The following CACHD1 variants were observed in gnomAD, a reference collection of about 807,000 sequenced individuals.
CACHD1 encodes the protein VWFA and cache domain-containing protein 1.
In CACHD1, 71 loss-of-function variants were observed where a neutral mutation model predicts 138.7. That is an observed-to-expected ratio of 0.51 (90% confidence interval 0.42 to 0.62). The LOEUF (loss-of-function observed/expected upper bound fraction) is 0.62, where lower values mean the gene tolerates loss of function less well. Ranked by LOEUF, CACHD1 falls within the 20% of genes least tolerant of loss-of-function variation. CACHD1 has a pLI of 0.00. For missense variants in CACHD1, 1,389 were observed against 1,625.3 expected, an observed-to-expected ratio of 0.85 and a Z score of 2.50; for synonymous variants, 578 against 591.5, an observed-to-expected ratio of 0.98 and a Z score of 0.33.
intron 26 of CACHD1, 113 bp downstream of exon 26, chr1:64,682,219 C>A: frequency 1.1e-6 from 1 of 891,782 alleles, no homozygotes; most frequent in Admixed American, 2.1e-5. Flanking sequence ...CCCAGCATGC[C>A]ACTGGTTTAT....
At position 64,549,234 on chromosome 1, in the gene CACHD1, T is replaced by C. The variant is rs537826215; in HGVS notation, c.199-1360T>C. ...GTGAAAGTTAAATAAATAAATGTAATGTGCTTAGAATAGTGTCCACTCCAT... is the reference window on the plus strand; with the variant it reads ...GTGAAAGTTAAATAAATAAATGTAACGTGCTTAGAATAGTGTCCACTCCAT... On this transcript the variant is annotated intron_variant, in intron 1 of 26. Coordinates refer to ENST00000651257, the MANE Select transcript of CACHD1 (RefSeq NM_020925.4). Among the ~76,000 whole-genome samples, 218 of 152,278 alleles carry C rather than the reference T, an allele frequency of 1.4e-3. 2 individuals are homozygous for C. The highest frequency in any genetic ancestry group is 5.1e-3 in the African/African-American group (210 of 41,548).
chr1:64,526,332 CTG>C (rs1383422443), intron 1 of CACHD1, among the ~76,000 whole-genome samples: 3 of 152,104 alleles, frequency 2.0e-5, no homozygotes, highest in Non-Finnish European at 2.9e-5. Flanking sequence ...ACAGTGAAAA[CTG>C]TCTAAAAAAT....
chr1:64,528,406 C>T (rs1158241483), intron 1 of CACHD1, among the ~76,000 whole-genome samples: 2 of 152,156 alleles, frequency 1.3e-5, no homozygotes, highest in Non-Finnish European at 2.9e-5. Context: ...TTGAGATCCC[C>T]ACAACCCCAT....
rs530847374 is a variant in CACHD1, at chr1:64,480,886, C to CTT, written c.198+9956_198+9957dup. On this transcript the variant is annotated intron_variant, in intron 1 of 26. Coordinates refer to ENST00000651257, the MANE Select transcript of CACHD1 (RefSeq NM_020925.4). Reference sequence around the variant, plus strand: ...AAGTTGTTTCTTTCTCTCTCTCTCCCTTTTTTTTTTTTTGGGTGAAAATTG... The same window carrying CTT: ...AAGTTGTTTCTTTCTCTCTCTCTCCCTTTTTTTTTTTTTTTGGGTGAAAATTG... Among the ~76,000 whole-genome samples the CTT allele has an allele frequency of 1.6e-4, 22 of 140,584 alleles. 1 individual carries two copies. The highest frequency in any genetic ancestry group is 5.3e-4 in the African/African-American group (20 of 37,984). 92.2% of individuals were successfully genotyped at this position (140,584 alleles called of 152,430 possible). A position where few individuals can be genotyped will look rare whatever the true frequency, so the allele number is the denominator to read the frequency against.
At chr1:64,586,372 G>A (rs1647051874) in intron 3 of CACHD1, among the ~76,000 whole-genome samples, 1 of 152,188 alleles carries the variant, frequency 6.6e-6, no homozygotes, top group African/African-American at 2.4e-5. Flanking sequence ...ACTGCACCCA[G>A]CTGACACTTT....
At chr1:64,513,208 G>T (rs1193245042) in intron 1 of CACHD1, among the ~76,000 whole-genome samples, 1 of 152,138 alleles carries the variant, frequency 6.6e-6, no homozygotes, top group South Asian at 2.1e-4. Context: ...CAGGGGAGGG[G>T]GCTGTCCTGT....
rs1649880559 is a variant in CACHD1 at position 64,673,332 on chromosome 1, T to G, written c.2611-16T>G. The stretch of plus-strand genomic sequence containing the variant: ...ACTACATGGCATATGTCTTCTGTTC[T>G]CTTTGGCCTTGGTAGGAGCCCCTGG... On this transcript the variant is annotated splice_polypyrimidine_tract_variant and intron_variant, in intron 18 of 26. Transcript: ENST00000651257. 1.2e-6 allele frequency: 2 copies of G among 1,613,702 alleles called. No homozygotes were observed. The highest frequency in any genetic ancestry group is 1.7e-6 in the Non-Finnish European group (2 of 1,179,608).
intron 26 of CACHD1, among the ~76,000 whole-genome samples, chr1:64,689,148 G>A (rs768708324): frequency 3.3e-5 from 5 of 152,126 alleles, no homozygotes; most frequent in Non-Finnish European, 7.4e-5. Flanking sequence ...AACCAGGCCC[G>A]ACCATGCTTA....
At chr1:64,537,453 G>GA (rs1175772344) in intron 1 of CACHD1, among the ~76,000 whole-genome samples, 5 of 152,070 alleles carry the variant, frequency 3.3e-5, no homozygotes, top group Admixed American at 1.3e-4. Context: ...AAACAAGGGG[G>GA]AAAAAATCAC....
In CACHD1 at chr1:64,610,507, C is replaced by A. The variant is rs1288847023; in HGVS notation, c.517+7595C>A. 2.0e-5 allele frequency among the ~76,000 whole-genome samples: 3 copies of A among 152,138 alleles called. No individual in the cohort carries two copies. In the South Asian group the frequency reaches 6.2e-4, roughly 32 times the overall value. On this transcript the variant is annotated intron_variant, in intron 4 of 26. Coordinates refer to ENST00000651257, the MANE Select transcript of CACHD1 (RefSeq NM_020925.4). ...TGGCCAAAACAAAGGGGCTACAGGCCCCATGCAAGTCGAAAATCAAAGAGG... is the reference window on the plus strand; with the variant it reads ...TGGCCAAAACAAAGGGGCTACAGGCACCATGCAAGTCGAAAATCAAAGAGG...
chr1:64,675,273 A>G, intron 19 of CACHD1, 128 bp from the exon 20 acceptor site: 1 of 660,886 alleles, frequency 1.5e-6, no homozygotes, highest in Non-Finnish European at 2.4e-6. Context: ...TTTAACAGTG[A>G]CTTTTGTAAT....
chr1:64,521,910 A>G (rs1167957343), intron 1 of CACHD1, among the ~76,000 whole-genome samples: 1 of 152,174 alleles, frequency 6.6e-6, no homozygotes, highest in Non-Finnish European at 1.5e-5. Flanking sequence ...CTCCCATTCT[A>G]TGGGTCATCT....
At chr1:64,657,602 A>G (rs548993595) in intron 12 of CACHD1, among the ~76,000 whole-genome samples, 1 of 152,328 alleles carries the variant, frequency 6.6e-6, no homozygotes, top group East Asian at 1.9e-4. Context: ...ATCTAATTGA[A>G]TATCTTTGCC....
At position 64,673,603 on chromosome 1, in the gene CACHD1, G is replaced by C. The variant is rs12070471; in HGVS notation, c.2727+139G>C. 2.5e-3 allele frequency: 1,884 copies of C among 752,374 alleles called. 29 individuals carry two copies. In the African/African-American group the frequency reaches 0.029, roughly 12 times the overall value. 46.6% of individuals were successfully genotyped at this position (752,374 alleles called of 1,614,324 possible). ...TATAGAATGATAGGAGGAGACAGGA[G>C]CTTAGTTCCAGTTCCCAGTTTGACA... On this transcript the variant is annotated intron_variant, in intron 19 of 26. Transcript: ENST00000651257.
intron 4 of CACHD1, among the ~76,000 whole-genome samples, chr1:64,626,723 G>A (rs749950112): frequency 2.6e-4 from 40 of 152,160 alleles, no homozygotes; most frequent in Non-Finnish European, 3.5e-4. Flanking sequence ...TGTAGAAGGC[G>A]CCTAGCATAA....
intron 13 of CACHD1, among the ~76,000 whole-genome samples, 170 bp downstream of exon 13, chr1:64,659,043 C>A (rs1308247654): frequency 6.6e-6 from 1 of 152,020 alleles, no homozygotes; most frequent in African/African-American, 2.4e-5. Flanking sequence ...CAAATCAGAT[C>A]GTCTAGCAGA....
At chr1:64,538,277 T>C (rs886431051) in intron 1 of CACHD1, among the ~76,000 whole-genome samples, 23 of 152,358 alleles carry the variant, frequency 1.5e-4, no homozygotes, top group Admixed American at 6.5e-5. Context: ...ATTTTCAAGA[T>C]TGATTCTATT....
At chr1:64,500,553 T>C (rs1384414095) in intron 1 of CACHD1, among the ~76,000 whole-genome samples, 5 of 151,916 alleles carry the variant, frequency 3.3e-5, no homozygotes, top group Non-Finnish European at 7.4e-5. Flanking sequence ...ACACAAATTA[T>C]AAGAATTAAC....
chr1:64,653,885 A>G lies in CACHD1; in HGVS notation c.1664+4A>G. ...TAGTTCGGCAAAATATCCTAAGGTAAGGAAAAGGTGAGGGTCATAGGATTG... is the reference window on the plus strand; with the variant it reads ...TAGTTCGGCAAAATATCCTAAGGTAGGGAAAAGGTGAGGGTCATAGGATTG... On this transcript the variant is annotated splice_donor_region_variant and intron_variant, in intron 11 of 26. Coordinates refer to ENST00000651257, the MANE Select transcript of CACHD1 (RefSeq NM_020925.4). 2 of 1,612,266 alleles carry G rather than the reference A, an allele frequency of 1.2e-6. No homozygotes were observed. Among genetic ancestry groups the G allele is most frequent in the Non-Finnish European group, 1.7e-6 (2 of 1,179,280 alleles).
Sources: allele counts gnomAD v4.1 joint callset (sites outside exome capture counted in the v4.1 genomes callset), GRCh38; gene constraint gnomAD v4.1.1; transcripts MANE v1.5; gene names NCBI Gene and HGNC (gene_info 2026-07-23, HGNC 2026-07-21).